ZFP90: variants seen among roughly 807,000 people sequenced by gnomAD.
ZFP90 encodes zinc finger protein 90 homolog.
A neutral mutation model predicts 60.8 loss-of-function variants in ZFP90; 38 were observed. The observed-to-expected ratio is 0.62, with a 90% CI of 0.48 to 0.82. The LOEUF (loss-of-function observed/expected upper bound fraction) is 0.82. ZFP90 is among the 40% of genes least tolerant of loss of function. The pLI, the probability that ZFP90 is intolerant of heterozygous loss-of-function variation, is 0.00. For missense variants in ZFP90, 711 were observed against 759.1 expected, an observed-to-expected ratio of 0.94 and a Z score of 0.74; for synonymous variants, 287 against 264.8, an observed-to-expected ratio of 1.08 and a Z score of -0.82.
chr16:68,548,257 TTC>T (rs959280311), intron 2 of ZFP90, among the ~76,000 whole-genome samples: 4 of 152,196 alleles, frequency 2.6e-5, no homozygotes, highest in South Asian at 2.1e-4. Flanking sequence ...TTTCACCTTT[TTC>T]TGTCTTTTGA....
chr16:68,550,341 C>T (rs1432743164), intron 2 of ZFP90, among the ~76,000 whole-genome samples: 2 of 152,080 alleles, frequency 1.3e-5, no homozygotes, highest in African/African-American at 2.4e-5. Context: ...CTCACTGTAA[C>T]CTCCGCCTCC....
chr16:68,554,048 A>G (rs1475875631), intron 2 of ZFP90, among the ~76,000 whole-genome samples: 1 of 151,998 alleles, frequency 6.6e-6, no homozygotes, highest in Admixed American at 6.6e-5. Context: ...AGAGATGGTG[A>G]CACGAACTAG....
At chr16:68,544,922 T>C (rs983498447) in intron 2 of ZFP90, among the ~76,000 whole-genome samples, 1 of 129,768 alleles carries the variant, frequency 7.7e-6, no homozygotes, top group Non-Finnish European at 1.6e-5. Context: ...CTCATTCTGT[T>C]GCGCTGAAGT....
upstream of ZFP90, among the ~76,000 whole-genome samples, chr16:68,537,826 T>C (rs1009843005): frequency 6.6e-6 from 1 of 152,208 alleles, no homozygotes; most frequent in African/African-American, 2.4e-5. Flanking sequence ...CCCTGTGCTA[T>C]TGACGTGTTA....
chr16:68,566,690 T>C lies in ZFP90; in HGVS notation c.*1992T>C. The C allele has an allele frequency of 2.0e-6, 2 of 985,582 alleles. No individual in the cohort carries two copies. The highest frequency in any genetic ancestry group is 2.4e-6 in the Non-Finnish European group (2 of 829,936). 61.1% of individuals were successfully genotyped at this position (985,582 alleles called of 1,614,324 possible). ...ATGCCAAGGCTGTGCTTCTATTATC[T>C]GATACATAGTTTGACAATGGGTAAT... On this transcript the variant is annotated 3_prime_UTR_variant, in exon 5 of 5. Coordinates refer to ENST00000563169, the MANE Select transcript of ZFP90 (RefSeq NM_001305203.2).
intron 2 of ZFP90, among the ~76,000 whole-genome samples, chr16:68,544,930 A>G (rs2091120168): frequency 8.4e-6 from 1 of 118,910 alleles, no homozygotes; most frequent in Non-Finnish European, 1.6e-5. Context: ...GTTGCGCTGA[A>G]GTGCAGTGGC....
chr16:68,563,094 T>C lies in ZFP90; in HGVS notation c.307T>C (p.Ser103Pro), dbSNP rs1209614690. Reference protein sequence around the residue: ...VKSSHLQQDVSEVSHCTHDLL... With the variant: ...VKSSHLQQDVPEVSHCTHDLL... ...ATCATCACATTTGCAGCAGGATGTA[T>C]CAGAAGTATCCCACTGCACACATGA... Residue 103 changes from serine (S) to proline (P), a missense_variant, in exon 5 of 5, where the codon TCA becomes CCA. Ser to Pro is a moderately conservative substitution (Grantham distance 74). Transcript: ENST00000563169. 2 of 1,613,996 alleles carry C rather than the reference T, an allele frequency of 1.2e-6. No individual in the cohort carries two copies. The highest frequency in any genetic ancestry group is 1.7e-6 in the Non-Finnish European group (2 of 1,180,014).
chr16:68,554,136 T>G (rs930072334), intron 2 of ZFP90, among the ~76,000 whole-genome samples: 2 of 149,886 alleles, frequency 1.3e-5, no homozygotes, highest in African/African-American at 4.9e-5. Context: ...TTTTTTTTTT[T>G]TTTGAGATGG....
At chr16:68,555,841 G>T (rs1464891839) in intron 2 of ZFP90, among the ~76,000 whole-genome samples, 1 of 152,184 alleles carries the variant, frequency 6.6e-6, no homozygotes, top group East Asian at 1.9e-4. Flanking sequence ...TGAGGAATTT[G>T]AGTGAATCGG....
In ZFP90 at chr16:68,564,026, G is replaced by C. The variant is rs780907491; in HGVS notation, c.1239G>C (p.Met413Ile). 5 of 1,613,978 alleles carry C rather than the reference G, an allele frequency of 3.1e-6. No homozygotes were observed. The Middle Eastern group carries it at 4.9e-4, about 159-fold the overall frequency. ...FGQSPSLYKHMRIHKRGKPYQ... is the reference protein window; with the variant it reads ...FGQSPSLYKHIRIHKRGKPYQ... ...AGAGCCCATCCCTTTATAAACATAT[G>C]AGGATTCATAAGAGAGGCAAACCTT... is the stretch of plus-strand genomic sequence containing the variant. The change falls in exon 5 of 5, where the codon ATG becomes ATC. Residue 413 changes from methionine to isoleucine, a missense_variant. Physicochemically the swap from Met to Ile is conservative, Grantham distance 10. Around this residue, in one of 5 missense-constraint regions of ZFP90, gnomAD observed 295 missense variants for 274.0 expected, o/e 1.08. Transcript: ENST00000563169.
At chr16:68,569,711 G>A (rs1363904086), downstream of ZFP90, among the ~76,000 whole-genome samples, 2 of 151,808 alleles carry the variant, frequency 1.3e-5, no homozygotes, top group Non-Finnish European at 2.9e-5. Flanking sequence ...GACCAGTCTG[G>A]GCAACATGGC....
At chr16:68,567,941 A>G (rs1362687714), downstream of ZFP90, among the ~76,000 whole-genome samples, 2 of 152,184 alleles carry the variant, frequency 1.3e-5, no homozygotes, top group Non-Finnish European at 2.9e-5. Context: ...TCTGACTTCA[A>G]GATTGAGCAC....
At chr16:68,551,413 T>TA (rs1434462134) in intron 2 of ZFP90, among the ~76,000 whole-genome samples, 15 of 112,176 alleles carry the variant, frequency 1.3e-4, no homozygotes, top group African/African-American at 1.5e-4. Context: ...GAACATGTGA[T>TA]CCTTTTTTTT....
At position 68,565,962 on chromosome 16, in the gene ZFP90, A is replaced by T. The variant is rs947065488; in HGVS notation, c.*1264A>T. The T allele has an allele frequency of 2.8e-4, 56 of 202,918 alleles. No individual in the cohort carries two copies. Among genetic ancestry groups the T allele is most frequent in the East Asian group, 2.5e-3 (13 of 5,192 alleles). The allele number at this position is 202,918 out of a possible 1,614,324, so 12.6% of individuals were successfully genotyped here. A position where few individuals can be genotyped will look rare whatever the true frequency, so the allele number is the denominator to read the frequency against. On this transcript the variant is annotated 3_prime_UTR_variant, in exon 5 of 5. Transcript: ENST00000563169. ...CAACATGGTGAAACCCCATCTCTTT[A>T]AAAAAAAAAAAAAATCCAAAAATTA...
upstream of ZFP90, among the ~76,000 whole-genome samples, chr16:68,534,389 C>T (rs552003467): frequency 4.2e-4 from 64 of 151,100 alleles, 1 homozygote; most frequent in Admixed American, 1.2e-3. Flanking sequence ...CCACCACACC[C>T]GGCCAATGTT....
chr16:68,570,155 C>T (rs928040276), downstream of ZFP90, among the ~76,000 whole-genome samples: 6 of 152,142 alleles, frequency 3.9e-5, no homozygotes, highest in Non-Finnish European at 7.3e-5. Context: ...GAATACTCAT[C>T]TCTAATTCCT....
intron 2 of ZFP90, among the ~76,000 whole-genome samples, chr16:68,549,460 G>A (rs558896439): frequency 6.6e-6 from 1 of 152,112 alleles, no homozygotes; most frequent in South Asian, 2.1e-4. Context: ...GGTGGATCAC[G>A]AGGTCAGGAG....
At position 68,558,057 on chromosome 16, in the gene ZFP90, C is replaced by T. The variant is rs376978594; in HGVS notation, c.93C>T (p.Val31=). Residue 31 remains valine, a synonymous_variant, in exon 3 of 5, where the codon GTC becomes GTT. Transcript: ENST00000563169. ...VDFTQEEWYH[V]DPAQRSLYRD... is the part of the protein sequence containing the mutation. ...TCACCCAGGAAGAATGGTACCATGT[C>T]GACCCTGCTCAGAGGAGCTTATACA... is the stretch of plus-strand genomic sequence containing the variant. 40 of 1,613,726 alleles carry T rather than the reference C, an allele frequency of 2.5e-5. No individual in the cohort carries two copies. Among genetic ancestry groups the T allele is most frequent in the Admixed American group, 1.7e-4 (10 of 59,964 alleles).
chr16:68,568,205 C>A (rs141512758), downstream of ZFP90, among the ~76,000 whole-genome samples: 33 of 152,072 alleles, frequency 2.2e-4, no homozygotes, highest in East Asian at 6.4e-3. Flanking sequence ...TTTTTATTAC[C>A]CTGCTAATTA....
Sources: gnomAD v4.1 joint callset for allele counts (sites outside exome capture counted in the v4.1 genomes callset) on GRCh38, gnomAD v4.1.1 for gene constraint, gnomAD v4.1.1 regional missense constraint, MANE v1.5 for transcripts, NCBI Gene and HGNC (gene_info 2026-07-23, HGNC 2026-07-21) for gene names.